PRAG1: variants seen among roughly 807,000 people sequenced by gnomAD.
The protein encoded by PRAG1 is inactive tyrosine-protein kinase PRAG1.
A neutral mutation model predicts 95.6 loss-of-function variants in PRAG1; 110 were observed. The observed-to-expected ratio is 1.15, with a 90% CI of 0.99 to 1.35. The LOEUF (loss-of-function observed/expected upper bound fraction) is 1.35. PRAG1 is among the 40% of genes most tolerant of loss of function. The probability of loss-of-function intolerance (pLI) is 0.00; values close to 1 mark genes in which losing one functional copy is unlikely to be tolerated. For synonymous variants in PRAG1, 1,052 were observed against 819.4 expected (o/e 1.28, Z -4.85); for missense variants, 2,554 against 1,864.7 (o/e 1.37, Z -6.81).
intron 4 of PRAG1, among the ~76,000 whole-genome samples, chr8:8,338,626 C>G (rs1799068037): frequency 6.6e-6 from 1 of 152,204 alleles, no homozygotes; most frequent in African/African-American, 2.4e-5. Flanking sequence ...TCAGAACACA[C>G]CACAGACTGA....
intron 1 of PRAG1, among the ~76,000 whole-genome samples, chr8:8,385,507 G>A (rs1800817471): frequency 6.6e-6 from 1 of 152,202 alleles, no homozygotes. Flanking sequence ...AAGGGAAGGG[G>A]AGAGGAGTTG....
Position 8,376,913 on chromosome 8 carries a change from AC to A in PRAG1, c.1495del (p.Val499CysfsTer8), listed in dbSNP as rs1800424088. 3.1e-6 allele frequency: 5 copies of A among 1,613,054 alleles called. No individual in the cohort carries two copies. Among genetic ancestry groups the A allele is most frequent in the East Asian group, 4.5e-5 (2 of 44,856 alleles). On this transcript the variant is annotated frameshift_variant, in exon 3 of 6. Transcript: ENST00000615670. LOFTEE classifies it high-confidence loss of function. ...GCTCACAGGCCCTCGTGGCCACTGC[AC>A]CCCCACTGCAGAGTCAGGGCTGCTC... The part of the protein sequence containing the change: ...YLSSPDSAVG[V>X]QWPRGPVSQN...
rs1159178400 is a variant in PRAG1, at chr8:8,318,986, C to T, written c.3389G>A (p.Cys1130Tyr). ...CTCCTTCAGGTGCTCCAGCCCGTTG[C>T]AGAGTTGCAGAAGCAGGAAGCACAC... ...RRVCFLLLQL[C>Y]NGLEHLKEHG... The change falls in exon 6 of 6, where the codon TGC becomes TAC. Residue 1130 changes from cysteine to tyrosine, a missense_variant. Physicochemically the swap from Cys to Tyr is radical, Grantham distance 194. Coordinates refer to ENST00000615670, the MANE Select transcript of PRAG1 (RefSeq NM_001080826.3). The surrounding 1 kb of genome is among the most constrained non-coding windows in gnomAD (Gnocchi z 4.2). 6.2e-7 allele frequency: 1 copy of T among 1,613,410 alleles called. No individual in the cohort carries two copies. Among genetic ancestry groups the T allele is most frequent in the African/African-American group, 1.3e-5 (1 of 75,014 alleles).
At chr8:8,350,485 A>G (rs2116865183) in intron 3 of PRAG1, among the ~76,000 whole-genome samples, 1 of 152,356 alleles carries the variant, frequency 6.6e-6, no homozygotes. Flanking sequence ...AAAGAGAAAA[A>G]GTGGGAACTA....
At chr8:8,357,940 T>G (rs1052039529) in intron 3 of PRAG1, among the ~76,000 whole-genome samples, 1 of 152,220 alleles carries the variant, frequency 6.6e-6, no homozygotes, top group Admixed American at 6.5e-5. Context: ...ATGCAAGCAA[T>G]CAATTCTGCA....
rs377087982 is a variant in PRAG1 at position 8,318,527 on chromosome 8, C to T, written c.3848G>A (p.Arg1283Gln). The T allele has an allele frequency of 3.7e-6, 6 of 1,612,700 alleles. No individual in the cohort carries two copies. The highest frequency in any genetic ancestry group is 1.3e-5 in the African/African-American group (1 of 74,884). The change falls in exon 6 of 6, where the codon CGG becomes CAG. Residue 1283 changes from arginine (R) to glutamine (Q), a missense_variant. By Grantham distance (43) the Arg-to-Gln change is conservative. Transcript: ENST00000615670. The surrounding 1 kb of genome is among the most constrained non-coding windows in gnomAD (Gnocchi z 4.2). ...VRAQLRERDY[R>Q]QEDLPPLPAL... is the part of the protein sequence containing the mutation. ...GGGCAGCGGCGGCAGGTCCTCCTGC[C>T]GGTAGTCTCTCTCCCGCAGCTGGGC...
At chr8:8,350,058 T>C (rs1243567418) in intron 3 of PRAG1, among the ~76,000 whole-genome samples, 1 of 152,170 alleles carries the variant, frequency 6.6e-6, no homozygotes, top group Non-Finnish European at 1.5e-5. Context: ...CAGATGGAAG[T>C]GTACCCTGAT....
chr8:8,328,410 A>C lies in PRAG1; in HGVS notation c.2372T>G (p.Phe791Cys). The change falls in exon 5 of 6, where the codon TTT becomes TGT. Residue 791 changes from phenylalanine to cysteine, a missense_variant. By Grantham distance (205) the Phe-to-Cys change is radical (BLOSUM62 -2). Coordinates refer to ENST00000615670, the MANE Select transcript of PRAG1 (RefSeq NM_001080826.3). ...GCCTGAAGGAAACGGAACGGGAGCA[A>C]AGAGCTTCTTCCCGCTGTTGGTGGG... ...HSPTNSGKKL[F>C]APVPFPSGST... 6.2e-7 allele frequency: 1 copy of C among 1,613,756 alleles called. No homozygotes were observed. Among genetic ancestry groups the C allele is most frequent in the Non-Finnish European group, 8.5e-7 (1 of 1,180,016 alleles).
In PRAG1 at chr8:8,342,413, G is replaced by A. The variant is rs553334999; in HGVS notation, c.2163-2778C>T. 1.2e-3 allele frequency among the ~76,000 whole-genome samples: 181 copies of A among 151,940 alleles called. 4 individuals carry two copies. In the Middle Eastern group the frequency reaches 0.024, roughly 20 times the overall value. On this transcript the variant is annotated intron_variant, in intron 3 of 5. Coordinates refer to ENST00000615670, the MANE Select transcript of PRAG1 (RefSeq NM_001080826.3). ...GGGTTTCACCGTGTTAGCCAGGATGGTCTCGACCCCCTGACCTCGTGATCT... is the reference window on the plus strand; with the variant it reads ...GGGTTTCACCGTGTTAGCCAGGATGATCTCGACCCCCTGACCTCGTGATCT...
intron 3 of PRAG1, among the ~76,000 whole-genome samples, chr8:8,340,886 T>C (rs899129042): frequency 6.6e-6 from 1 of 152,228 alleles, no homozygotes; most frequent in Non-Finnish European, 1.5e-5. Context: ...CTAATCTTCA[T>C]CTTTGTATCT....
intron 1 of PRAG1, among the ~76,000 whole-genome samples, chr8:8,383,787 T>G (rs1800760445): frequency 6.6e-6 from 1 of 152,014 alleles, no homozygotes; most frequent in Non-Finnish European, 1.5e-5. Flanking sequence ...CCAGAAGAGG[T>G]CACTGGGCTT....
At position 8,327,946 on chromosome 8, in the gene PRAG1, T is replaced by C. The variant is rs1798686232; in HGVS notation, c.2836A>G (p.Ser946Gly). The C allele has an allele frequency of 6.2e-7, 1 of 1,612,484 alleles. No homozygotes were observed. The highest frequency in any genetic ancestry group is 2.2e-5 in the East Asian group (1 of 44,852). ...TTGGCATAGGTGCCCTCCTTGCTGCTGATGTTGCTCAGGAGACCGTGCAGC... is the reference window on the plus strand; with the variant it reads ...TTGGCATAGGTGCCCTCCTTGCTGCCGATGTTGCTCAGGAGACCGTGCAGC... ...LQLHGLLSNI[S>G]SKEGTYAKLG... The change falls in exon 5 of 6, where the codon AGC becomes GGC. Residue 946 changes from serine to glycine, a missense_variant. By Grantham distance (56) the Ser-to-Gly change is moderately conservative. Coordinates refer to ENST00000615670, the MANE Select transcript of PRAG1 (RefSeq NM_001080826.3).
chr8:8,370,225 G>A (rs1800146809), intron 3 of PRAG1, among the ~76,000 whole-genome samples: 1 of 152,210 alleles, frequency 6.6e-6, no homozygotes, highest in Non-Finnish European at 1.5e-5. Context: ...ATTATGAGAT[G>A]TCCTGTGTTT....
chr8:8,327,657 A>C (rs1798673301), intron 5 of PRAG1, 53 bp downstream of exon 5: 9 of 1,562,010 alleles, frequency 5.8e-6, no homozygotes, highest in Non-Finnish European at 7.8e-6. Context: ...AGTTCTGCCC[A>C]AGCCAGCACC....
In PRAG1 at chr8:8,348,070, C is replaced by T. The variant is rs982152090; in HGVS notation, c.2163-8435G>A. On this transcript the variant is annotated intron_variant, in intron 3 of 5. Transcript: ENST00000615670. Reference sequence around the variant, plus strand: ...TGACTGGGACTACAGGTGCATGCCACCACACCCGGTTAAGTTTTGTATTTT... The same window carrying T: ...TGACTGGGACTACAGGTGCATGCCATCACACCCGGTTAAGTTTTGTATTTT... Among the ~76,000 whole-genome samples the T allele has an allele frequency of 3.3e-5, 5 of 152,190 alleles. No homozygotes were observed. In the East Asian group the frequency reaches 7.7e-4, roughly 23 times the overall value.
intron 3 of PRAG1, 28 bp downstream of exon 3, chr8:8,376,212 TGCAGACA>T (rs1563255080): frequency 6.3e-7 from 1 of 1,592,798 alleles, no homozygotes; most frequent in East Asian, 2.2e-5. Flanking sequence ...CCCTTTGCCC[TGCAGACA>T]GAGTCCCAGG....
chr8:8,374,373 G>C (rs957804367), intron 3 of PRAG1, among the ~76,000 whole-genome samples: 1 of 152,174 alleles, frequency 6.6e-6, no homozygotes, highest in Non-Finnish European at 1.5e-5. Context: ...GAGGCAGGCA[G>C]ATACAATTTG....
In PRAG1 at chr8:8,318,632, TG is replaced by T; in HGVS notation, c.3742del (p.Gln1248SerfsTer110). 1 of 1,611,930 alleles carries T rather than the reference TG, an allele frequency of 6.2e-7. No individual in the cohort carries two copies. Among genetic ancestry groups the T allele is most frequent in the Non-Finnish European group, 8.5e-7 (1 of 1,179,362 alleles). ...CTGGAACTCATCGAACTTGCGGTACTGGGAAGCAGACACGATCTCGGGGGCC... is the reference window on the plus strand; with the variant it reads ...CTGGAACTCATCGAACTTGCGGTACTGGAAGCAGACACGATCTCGGGGGCC... ...RLAPEIVSAS[Q>X]YRKFDEFQTG... On this transcript the variant is annotated frameshift_variant, in exon 6 of 6. Coordinates refer to ENST00000615670, the MANE Select transcript of PRAG1 (RefSeq NM_001080826.3). LOFTEE classifies it high-confidence loss of function. The surrounding 1 kb of genome is among the most constrained non-coding windows in gnomAD (Gnocchi z 4.2).
intron 3 of PRAG1, among the ~76,000 whole-genome samples, chr8:8,345,065 G>A (rs1033514843): frequency 3.3e-4 from 50 of 151,064 alleles, no homozygotes; most frequent in South Asian, 6.3e-4. Context: ...GTGTGTGTGT[G>A]TGTGTGTGTG....
Sources: gnomAD v4.1 joint callset for allele counts (sites outside exome capture counted in the v4.1 genomes callset) on GRCh38, gnomAD v4.1.1 for gene constraint, Gnocchi (gnomAD v3.1) non-coding constraint, MANE v1.5 for transcripts, NCBI Gene and HGNC (gene_info 2026-07-23, HGNC 2026-07-21) for gene names.